MARK2: variants seen among roughly 807,000 people sequenced by gnomAD.
MARK2 encodes microtubule affinity regulating kinase 2.
MARK2 carries 16 observed loss-of-function variants against 89.8 expected under a neutral mutation model. The observed-to-expected ratio is 0.18, with a 90% CI of 0.12 to 0.27. The LOEUF is 0.27. Ranked by LOEUF, MARK2 falls within the 10% of genes least tolerant of loss-of-function variation. The pLI is 1.00. For missense variants in MARK2, 621 were observed against 1,049.9 expected (o/e 0.59, Z 5.65); for synonymous variants, 382 against 399.5 (o/e 0.96, Z 0.52).
intron 1 of MARK2, among the ~76,000 whole-genome samples, chr11:63,883,107 G>A (rs181128659): frequency 1.3e-5 from 2 of 152,220 alleles, no homozygotes; most frequent in African/African-American, 2.4e-5. Context: ...GGCAGTGTGA[G>A]CTTCCCTCAG....
intron 1 of MARK2, among the ~76,000 whole-genome samples, chr11:63,857,000 A>T (rs1233595069): frequency 1.3e-5 from 2 of 150,428 alleles, no homozygotes; most frequent in African/African-American, 4.9e-5. Context: ...TTTATTAGAG[A>T]TGGGGTTTCA....
chr11:63,908,674 C>G (rs1375806066), intron 18 of MARK2, among the ~76,000 whole-genome samples: 1 of 152,188 alleles, frequency 6.6e-6, no homozygotes, highest in African/African-American at 2.4e-5. Context: ...TACCCCAAGG[C>G]TGGCTTCTCC....
intron 18 of MARK2, 144 bp from the exon 19 acceptor site, chr11:63,908,733 G>C (rs1489246164): frequency 4.1e-6 from 3 of 731,268 alleles, no homozygotes; most frequent in African/African-American, 3.6e-5. Flanking sequence ...GCCACCCTCC[G>C]CCCCCGCAGG....
chr11:63,905,064 G>A lies in MARK2; in HGVS notation c.1934+21G>A, dbSNP rs371904492. The A allele has an allele frequency of 2.5e-6, 4 of 1,608,062 alleles. No homozygotes were observed. In the African/African-American group the frequency reaches 5.3e-5, roughly 22 times the overall value. ...CGCAGGTAAGCAAGGAGCTTTGGGT[G>A]GCAGAGAGGCTCAGGCCAGGCCTTC... On this transcript the variant is annotated intron_variant, in intron 16 of 18. Transcript: ENST00000402010.
intron 1 of MARK2, among the ~76,000 whole-genome samples, chr11:63,885,548 A>AT (rs1491576648): frequency 6.7e-6 from 1 of 149,596 alleles, no homozygotes; most frequent in Non-Finnish European, 1.5e-5. Flanking sequence ...TGAAAAAAAA[A>AT]GAGAGGCTGG....
chr11:63,888,110 A>G (rs74549973), intron 1 of MARK2, among the ~76,000 whole-genome samples: 180 of 152,286 alleles, frequency 1.2e-3, no homozygotes, highest in African/African-American at 4.3e-3. Flanking sequence ...CCCTGAAATT[A>G]TGCTCAAAAT....
chr11:63,870,068 G>A (rs7102006), intron 1 of MARK2, among the ~76,000 whole-genome samples: 73,120 of 152,042 alleles, frequency 0.48, 19,863 homozygotes, highest in East Asian at 0.88. Flanking sequence ...TGCCCCCATT[G>A]CCATCACTTC....
Position 63,870,394 on chromosome 11 carries a change from A to T in MARK2, c.55-24765A>T, listed in dbSNP as rs905667456. On this transcript the variant is annotated intron_variant, in intron 1 of 18. Transcript: ENST00000402010. ...GGCTGGGAATGATTTAAAAGTCGGC[A>T]CCAGCATTCTAGCCCTGACCCAGGC... 1.4e-4 allele frequency among the ~76,000 whole-genome samples: 21 copies of T among 152,178 alleles called. 1 individual carries two copies. Among genetic ancestry groups the T allele is most frequent in the Non-Finnish European group, 1.5e-4 (10 of 68,036 alleles).
At chr11:63,889,459 G>A (rs893158306) in intron 1 of MARK2, among the ~76,000 whole-genome samples, 2 of 152,200 alleles carry the variant, frequency 1.3e-5, no homozygotes, top group Non-Finnish European at 2.9e-5. Flanking sequence ...CTTCTCCATG[G>A]GACAACTGTT....
intron 16 of MARK2, among the ~76,000 whole-genome samples, chr11:63,905,857 G>C (rs1485442744): frequency 6.6e-6 from 1 of 152,104 alleles, no homozygotes; most frequent in African/African-American, 2.4e-5. Flanking sequence ...TCTGCTGGAG[G>C]AGCCAAAGCC....
In MARK2 at chr11:63,900,873, C is replaced by G; in HGVS notation, c.982C>G (p.Arg328Gly). The change falls in exon 10 of 19, where the codon CGG (arginine) becomes GGG (glycine). Residue 328 changes from arginine (R) to glycine (G), a missense_variant. Around this residue, in one of 5 missense-constraint regions of MARK2, gnomAD observed 397 missense variants for 567.8 expected, o/e 0.70. Transcript: ENST00000402010. This position sits in a 1 kb window ranked among gnomAD's most constrained non-coding sequence, Gnocchi z 4.7. ...EPLPDYKDPRRTELMVSMGYT... is the reference protein window; with the variant it reads ...EPLPDYKDPRGTELMVSMGYT... ...ACTCCCTGACTACAAGGACCCCCGG[C>G]GGACAGGTGAGGCTGTGCCGGGCTG... is the stretch of plus-strand genomic sequence containing the variant. 1 of 1,614,096 alleles carries G rather than the reference C, an allele frequency of 6.2e-7. No individual in the cohort carries two copies. The highest frequency in any genetic ancestry group is 8.5e-7 in the Non-Finnish European group (1 of 1,179,946).
At position 63,904,742 on chromosome 11, in the gene MARK2, T is replaced by C. The variant is rs766221046; in HGVS notation, c.1677-44T>C. ...TCCAGGTGCCCAGTGATGGCTGTCC[T>C]GTACCCTAATTCGTCCCCCTCAACC... On this transcript the variant is annotated intron_variant, in intron 15 of 18. Transcript: ENST00000402010. The surrounding 1 kb of genome is among the most constrained non-coding windows in gnomAD (Gnocchi z 6.3). 2 of 1,593,634 alleles carry C rather than the reference T, an allele frequency of 1.3e-6. No homozygotes were observed. Among genetic ancestry groups the C allele is most frequent in the African/African-American group, 1.3e-5 (1 of 74,758 alleles).
chr11:63,873,623 G>T (rs1425396037), intron 1 of MARK2, among the ~76,000 whole-genome samples: 1 of 152,156 alleles, frequency 6.6e-6, no homozygotes, highest in African/African-American at 2.4e-5. Flanking sequence ...GCCCGACCCT[G>T]CTGAATGGGG....
chr11:63,883,361 T>C (rs539029291), intron 1 of MARK2, among the ~76,000 whole-genome samples: 2 of 152,250 alleles, frequency 1.3e-5, no homozygotes, highest in East Asian at 3.9e-4. Context: ...ATTTGACTTT[T>C]CCTTGTTATA....
chr11:63,844,652 C>A (rs1000888206), intron 1 of MARK2, among the ~76,000 whole-genome samples: 4 of 152,206 alleles, frequency 2.6e-5, no homozygotes, highest in African/African-American at 9.6e-5. Context: ...TTTTTCTCAG[C>A]ATAAATGTCC....
intron 1 of MARK2, among the ~76,000 whole-genome samples, chr11:63,870,141 A>G (rs1938364908): frequency 6.6e-6 from 1 of 152,240 alleles, no homozygotes; most frequent in Admixed American, 6.5e-5. Flanking sequence ...GTGGAAGGGT[A>G]GCAGGCCCCA....
At chr11:63,888,617 G>T in intron 1 of MARK2, 2 of 1,139,298 alleles carry the variant, frequency 1.8e-6, no homozygotes, top group Admixed American at 4.2e-5. Context: ...GGAATTGCAC[G>T]CGCTTCCTGA....
At chr11:63,877,766 C>T (rs1306603033) in intron 1 of MARK2, among the ~76,000 whole-genome samples, 1 of 152,128 alleles carries the variant, frequency 6.6e-6, no homozygotes, top group Non-Finnish European at 1.5e-5. Context: ...ATACTCTGCT[C>T]CTAGGTAGAA....
At chr11:63,848,986 C>T (rs1339571647) in intron 1 of MARK2, among the ~76,000 whole-genome samples, 1 of 152,092 alleles carries the variant, frequency 6.6e-6, no homozygotes, top group Non-Finnish European at 1.5e-5. Flanking sequence ...AGATTGCAGG[C>T]GTGAGCCACC....
Sources: gnomAD v4.1 joint callset for allele counts (sites outside exome capture counted in the v4.1 genomes callset) on GRCh38, gnomAD v4.1.1 for gene constraint, gnomAD v4.1.1 regional missense constraint, Gnocchi (gnomAD v3.1) non-coding constraint, MANE v1.5 for transcripts, NCBI Gene and HGNC (gene_info 2026-07-23, HGNC 2026-07-21) for gene names.